The following CAMK1D variants were observed in gnomAD, a reference collection of about 807,000 sequenced individuals.
CAMK1D encodes calcium/calmodulin dependent protein kinase ID.
Under a neutral mutation model 47.7 loss-of-function variants are expected in CAMK1D, and 9 were observed. The observed-to-expected ratio is 0.19, with a 90% CI of 0.11 to 0.33. The LOEUF (loss-of-function observed/expected upper bound fraction) is 0.33, where lower values mean the gene tolerates loss of function less well. Among genes scored for constraint, CAMK1D ranks in the 10% least tolerant of loss-of-function variants. The pLI is 1.00. For synonymous variants in CAMK1D, 184 were observed against 184.9 expected, an observed-to-expected ratio of 0.99 and a Z score of 0.04; for missense variants, 291 against 488.7, an observed-to-expected ratio of 0.60 and a Z score of 3.81.
At chr10:12,522,548 A>G (rs934118646) in intron 1 of CAMK1D, among the ~76,000 whole-genome samples, 1 of 152,080 alleles carries the variant, frequency 6.6e-6, no homozygotes, top group Non-Finnish European at 1.5e-5. Flanking sequence ...CCAAGGCAGA[A>G]GAATCTTTCT....
At chr10:12,435,243 A>G (rs896068229) in intron 1 of CAMK1D, among the ~76,000 whole-genome samples, 5 of 151,362 alleles carry the variant, frequency 3.3e-5, no homozygotes, top group South Asian at 2.1e-4. Flanking sequence ...AAAAAAAAAA[A>G]AAAGAAAAGG....
chr10:12,560,869 G>A (rs1392499515), intron 2 of CAMK1D, among the ~76,000 whole-genome samples: 1 of 151,962 alleles, frequency 6.6e-6, no homozygotes, highest in East Asian at 1.9e-4. Flanking sequence ...CTAGACACTT[G>A]GATACCTTGG....
intron 1 of CAMK1D, among the ~76,000 whole-genome samples, chr10:12,393,615 G>A (rs1838826559): frequency 6.6e-6 from 1 of 152,182 alleles, no homozygotes; most frequent in East Asian, 1.9e-4. Context: ...GACACTCCCT[G>A]TATCCTGTAA....
chr10:12,457,345 C>T (rs1357697769), intron 1 of CAMK1D, among the ~76,000 whole-genome samples: 7 of 149,162 alleles, frequency 4.7e-5, no homozygotes, highest in Non-Finnish European at 7.4e-5. Context: ...GAGCCGAGAT[C>T]GAGCCACTGC....
At chr10:12,526,904 A>AAAAAAC (rs1835641525) in intron 1 of CAMK1D, among the ~76,000 whole-genome samples, 1 of 151,714 alleles carries the variant, frequency 6.6e-6, no homozygotes. Flanking sequence ...TCTCAAAAAA[A>AAAAAAC]AAAAAAAAAT....
rs551186720 is a variant in CAMK1D, at chr10:12,564,313, AT to A, written c.224+10968del. 3.4e-3 allele frequency among the ~76,000 whole-genome samples: 505 copies of A among 148,658 alleles called. 4 individuals are homozygous for A. The highest frequency in any genetic ancestry group is 0.011 in the African/African-American group (449 of 40,584). On this transcript the variant is annotated intron_variant, in intron 2 of 10. Coordinates refer to ENST00000619168, the MANE Select transcript of CAMK1D (RefSeq NM_153498.4). ...AAAAGAAATAGACACCAAAGATTCA[AT>A]TTTTTTTTTTCTGTTAAGCTTTATG...
chr10:12,532,488 C>A (rs1300537721), intron 1 of CAMK1D, among the ~76,000 whole-genome samples: 2 of 152,118 alleles, frequency 1.3e-5, no homozygotes, highest in African/African-American at 4.8e-5. Flanking sequence ...ACCGTTTTAG[C>A]CGGGATGGTC....
intron 1 of CAMK1D, among the ~76,000 whole-genome samples, chr10:12,538,961 T>C (rs1357409602): frequency 6.6e-6 from 1 of 150,944 alleles, no homozygotes; most frequent in Admixed American, 6.6e-5. Context: ...GCAACAGGCC[T>C]TGTCTCAAAC....
chr10:12,754,741 AGTCCTTACATG>A lies in CAMK1D; in HGVS notation c.300-6203_300-6193del, dbSNP rs113922265. ...CTTGCAGACGGCTGTCTTCTTGCTG[AGTCCTTACATG>A]GTCTTCCTTGTGTGCATGGAATTCC... On this transcript the variant is annotated intron_variant, in intron 3 of 10. Coordinates refer to ENST00000619168, the MANE Select transcript of CAMK1D (RefSeq NM_153498.4). Among the ~76,000 whole-genome samples the A allele has an allele frequency of 5.4e-4, 83 of 152,312 alleles. 2 individuals carry two copies. Among genetic ancestry groups the A allele is most frequent in the African/African-American group, 1.9e-3 (77 of 41,564 alleles).
intron 2 of CAMK1D, among the ~76,000 whole-genome samples, chr10:12,604,725 A>C (rs1003726311): frequency 6.6e-6 from 1 of 152,148 alleles, no homozygotes; most frequent in African/African-American, 2.4e-5. Flanking sequence ...TCTAAGGTAT[A>C]TGATTCCCTG....
chr10:12,399,478 T>C (rs1839092684), intron 1 of CAMK1D, among the ~76,000 whole-genome samples: 1 of 151,204 alleles, frequency 6.6e-6, no homozygotes, highest in Non-Finnish European at 1.5e-5. Flanking sequence ...CACTCTTGCC[T>C]GGGTGACAGA....
At chr10:12,788,806 C>G (rs911141407) in intron 5 of CAMK1D, among the ~76,000 whole-genome samples, 21 of 152,260 alleles carry the variant, frequency 1.4e-4, no homozygotes, top group Non-Finnish European at 2.5e-4. Flanking sequence ...CGGCCCCTCC[C>G]AGGTTGAGTT....
At chr10:12,500,257 ACT>A (rs142815622) in intron 1 of CAMK1D, among the ~76,000 whole-genome samples, 150 of 152,204 alleles carry the variant, frequency 9.9e-4, no homozygotes, top group African/African-American at 3.1e-3. Flanking sequence ...TAAGAGCAAG[ACT>A]CTGTTTCAAA....
intron 2 of CAMK1D, among the ~76,000 whole-genome samples, chr10:12,567,869 A>G (rs1837173004): frequency 6.6e-6 from 1 of 152,154 alleles, no homozygotes; most frequent in East Asian, 1.9e-4. Context: ...AGCTTGAATC[A>G]GAATGGTCAA....
intron 1 of CAMK1D, among the ~76,000 whole-genome samples, chr10:12,428,466 T>TTC (rs1239293853): frequency 6.6e-6 from 1 of 151,848 alleles, no homozygotes; most frequent in African/African-American, 2.4e-5. Context: ...AGGTGCCCGT[T>TTC]TCTCTCTCTC....
At chr10:12,823,218 G>C (rs910500909) in intron 8 of CAMK1D, among the ~76,000 whole-genome samples, 2 of 152,202 alleles carry the variant, frequency 1.3e-5, no homozygotes, top group African/African-American at 4.8e-5. Flanking sequence ...AGGGCAGTCA[G>C]TGTCTCAGGG....
At chr10:12,533,552 G>A (rs577739843) in intron 1 of CAMK1D, among the ~76,000 whole-genome samples, 1 of 152,288 alleles carries the variant, frequency 6.6e-6, no homozygotes, top group East Asian at 1.9e-4. Context: ...TAGGTATTAA[G>A]CTTTTGTCCC....
chr10:12,818,014 G>A (rs928630406), intron 8 of CAMK1D, among the ~76,000 whole-genome samples: 9 of 152,120 alleles, frequency 5.9e-5, no homozygotes, highest in Admixed American at 3.3e-4. Flanking sequence ...TAAGCACCAC[G>A]AGCATCCATT....
Position 12,469,698 on chromosome 10 carries a change from A to G in CAMK1D, c.93-83527A>G, listed in dbSNP as rs1304804299. 2.6e-5 allele frequency among the ~76,000 whole-genome samples: 4 copies of G among 152,206 alleles called. No individual in the cohort carries two copies. In the East Asian group the frequency reaches 7.7e-4, roughly 29 times the overall value. On this transcript the variant is annotated intron_variant, in intron 1 of 10. Coordinates refer to ENST00000619168, the MANE Select transcript of CAMK1D (RefSeq NM_153498.4). ...TTATTTCATAAGCTTTTAAGAATCC[A>G]ATTTTAAAATGTGCACCTTCTGGAG...
Sources: gnomAD v4.1 joint callset for allele counts (sites outside exome capture counted in the v4.1 genomes callset) on GRCh38, gnomAD v4.1.1 for gene constraint, MANE v1.5 for transcripts, NCBI Gene and HGNC (gene_info 2026-07-23, HGNC 2026-07-21) for gene names.